Variants in COL5A1 observed in about 807,000 individuals in gnomAD.
COL5A1 encodes the protein collagen type V alpha 1 chain.
COL5A1 carries 16 observed loss-of-function variants against 263.7 expected under a neutral mutation model. That is an observed-to-expected ratio of 0.06 (90% CI 0.04 to 0.09). The LOEUF is 0.09. COL5A1 is among the 10% of genes least tolerant of loss of function. COL5A1 has a pLI of 1.00. For synonymous variants in COL5A1, 1,012 were observed against 1,004.5 expected (o/e 1.01, Z -0.14); for missense variants, 2,036 against 2,540.5 (o/e 0.80, Z 4.27).
intron 20 of COL5A1, among the ~76,000 whole-genome samples, chr9:134,764,330 G>A (rs568218351): frequency 1.9e-4 from 24 of 129,444 alleles, no homozygotes; most frequent in Non-Finnish European, 2.6e-4. Context: ...GTCAGGGGGC[G>A]GCATGGGGGG....
At position 134,683,350 on chromosome 9, in the gene COL5A1, C is replaced by T. The variant is rs539416020; in HGVS notation, c.110-7562C>T. The stretch of plus-strand genomic sequence containing the variant: ...TCTTGAGCCCGTCGCGGGCTGATCA[C>T]CATTCCTCCCTGGGGAGGAGGGCCA... On this transcript the variant is annotated intron_variant, in intron 1 of 65. Transcript: ENST00000371817. Among the ~76,000 whole-genome samples, 134 of 152,266 alleles carry T rather than the reference C, an allele frequency of 8.8e-4. 1 individual carries two copies. The highest frequency in any genetic ancestry group is 1.5e-3 in the Non-Finnish European group (102 of 68,004).
intron 4 of COL5A1, among the ~76,000 whole-genome samples, chr9:134,707,698 A>G (rs1214398648): frequency 6.6e-6 from 1 of 152,138 alleles, no homozygotes; most frequent in Non-Finnish European, 1.5e-5. Flanking sequence ...GGGCCTTTGG[A>G]GCCTCTGGAT....
intron 34 of COL5A1, among the ~76,000 whole-genome samples, 153 bp from the exon 35 acceptor site, chr9:134,796,221 A>G (rs1214251863): frequency 6.6e-6 from 1 of 152,228 alleles, no homozygotes; most frequent in Admixed American, 6.5e-5. Flanking sequence ...ATCAGCGCCA[A>G]TGCCTTCTGC....
chr9:134,729,117 A>T (rs952206400), intron 6 of COL5A1, among the ~76,000 whole-genome samples: 16 of 151,958 alleles, frequency 1.1e-4, no homozygotes, highest in African/African-American at 3.9e-4. Flanking sequence ...GCCCAGGATG[A>T]GTTTGGTTCT....
chr9:134,645,852 C>T (rs903273101), intron 1 of COL5A1, among the ~76,000 whole-genome samples: 1 of 152,204 alleles, frequency 6.6e-6, no homozygotes, highest in Non-Finnish European at 1.5e-5. Context: ...ATAGTCCTGG[C>T]CTGGGGGCCC....
chr9:134,830,335 C>A, intron 64 of COL5A1: 1 of 709,284 alleles, frequency 1.4e-6, no homozygotes, highest in Non-Finnish European at 2.4e-6. Flanking sequence ...GTGTGGAGTC[C>A]TCTCCCCAGC....
rs1000923984 is a variant in COL5A1, at chr9:134,789,851, G to T, written c.2700+643G>T. The stretch of plus-strand genomic sequence containing the variant: ...GGATGCTTGTTAGTGAAATCACAGT[G>T]CCTGAGCATTGCCACTTGGGAAAAC... On this transcript the variant is annotated intron_variant, in intron 32 of 65. Transcript: ENST00000371817. This position sits in a 1 kb window ranked among gnomAD's most constrained non-coding sequence, Gnocchi z 4.8. 6.6e-6 allele frequency among the ~76,000 whole-genome samples: 1 copy of T among 152,210 alleles called. No individual in the cohort carries two copies. Among genetic ancestry groups the T allele is most frequent in the Non-Finnish European group, 1.5e-5 (1 of 68,040 alleles).
intron 1 of COL5A1, among the ~76,000 whole-genome samples, chr9:134,658,471 G>A (rs866580070): frequency 6.6e-6 from 1 of 151,884 alleles, no homozygotes; most frequent in Non-Finnish European, 1.5e-5. Context: ...ACGTCCCCCC[G>A]CCCCTGCTGG....
intron 25 of COL5A1, 30 bp from the exon 26 acceptor site, chr9:134,772,760 G>A: frequency 1.2e-6 from 2 of 1,613,666 alleles, no homozygotes; most frequent in Non-Finnish European, 1.7e-6. Flanking sequence ...GAGTGGCACT[G>A]ACTAATCAAT....
chr9:134,834,409 T>TG (rs1043659854), intron 64 of COL5A1, among the ~76,000 whole-genome samples: 11 of 152,194 alleles, frequency 7.2e-5, no homozygotes, highest in African/African-American at 2.4e-4. Context: ...AGAAGAACTG[T>TG]GGGTGGACGT....
chr9:134,823,250 C>G (rs1341706980), intron 60 of COL5A1, among the ~76,000 whole-genome samples, 166 bp from the exon 61 acceptor site: 1 of 152,250 alleles, frequency 6.6e-6, no homozygotes, highest in African/African-American at 2.4e-5. Flanking sequence ...GTTCTCATCT[C>G]AAGGATCCAG....
intron 4 of COL5A1, among the ~76,000 whole-genome samples, chr9:134,711,701 A>C (rs950672393): frequency 1.3e-5 from 2 of 152,094 alleles, no homozygotes; most frequent in African/African-American, 4.8e-5. Context: ...TCCCATACTT[A>C]GGTGAAGAGG....
At chr9:134,711,709 A>G (rs559502097) in intron 4 of COL5A1, among the ~76,000 whole-genome samples, 1 of 152,156 alleles carries the variant, frequency 6.6e-6, no homozygotes, top group African/African-American at 2.4e-5. Context: ...TTAGGTGAAG[A>G]GGGGCACGGC....
intron 4 of COL5A1, among the ~76,000 whole-genome samples, chr9:134,718,235 C>T (rs761291723): frequency 9.2e-5 from 14 of 152,228 alleles, no homozygotes; most frequent in African/African-American, 2.9e-4. Flanking sequence ...CCGTGGCCGC[C>T]GACCCATCTT....
chr9:134,826,810 G>A (rs1202224263), intron 63 of COL5A1, among the ~76,000 whole-genome samples: 2 of 144,802 alleles, frequency 1.4e-5, no homozygotes, highest in Non-Finnish European at 3.1e-5. Context: ...TGGTGCAGGT[G>A]TGTGGGTGTG....
At position 134,759,336 on chromosome 9, in the gene COL5A1, GCACA is replaced by G. The variant is rs112901588; in HGVS notation, c.1935+1050_1935+1053del. On this transcript the variant is annotated intron_variant, in intron 18 of 65. Transcript: ENST00000371817. ...CACACTCATACACACATGCACACAA[GCACA>G]CACACACACCCACATTCATACACAG... Among the ~76,000 whole-genome samples the G allele has an allele frequency of 1.3e-3, 116 of 89,476 alleles. 4 individuals carry two copies. Among genetic ancestry groups the G allele is most frequent in the African/African-American group, 2.4e-3 (54 of 22,212 alleles). 58.7% of individuals were successfully genotyped at this position (89,476 alleles called of 152,430 possible).
At chr9:134,796,120 G>C (rs11103530) in intron 34 of COL5A1, among the ~76,000 whole-genome samples, 4 of 152,216 alleles carry the variant, frequency 2.6e-5, no homozygotes, top group Non-Finnish European at 5.9e-5. Flanking sequence ...GTCCCACTCA[G>C]GAGACTGTTC....
intron 1 of COL5A1, among the ~76,000 whole-genome samples, chr9:134,643,199 G>A (rs971838914): frequency 2.0e-5 from 3 of 152,076 alleles, no homozygotes; most frequent in Non-Finnish European, 4.4e-5. Context: ...AGTTTTTCTA[G>A]GCATCGCTCT....
intron 2 of COL5A1, among the ~76,000 whole-genome samples, chr9:134,693,979 GTACCT>G (rs1833374699): frequency 6.6e-6 from 1 of 152,212 alleles, no homozygotes. Context: ...CTAGAGACCC[GTACCT>G]GCCTGGCAGT....
Sources: gnomAD v4.1 joint callset for allele counts (sites outside exome capture counted in the v4.1 genomes callset) on GRCh38, gnomAD v4.1.1 for gene constraint, Gnocchi (gnomAD v3.1) non-coding constraint, MANE v1.5 for transcripts, NCBI Gene and HGNC (gene_info 2026-07-23, HGNC 2026-07-21) for gene names.